RHOBTB1: variants seen among roughly 807,000 people sequenced by gnomAD.
RHOBTB1 encodes Rho related BTB domain containing 1.
RHOBTB1 carries 40 observed loss-of-function variants against 71.6 expected under a neutral mutation model. The observed-to-expected ratio is 0.56, with a 90% CI of 0.43 to 0.73. The LOEUF (loss-of-function observed/expected upper bound fraction) is 0.73. Among genes scored for constraint, RHOBTB1 ranks in the 30% least tolerant of loss-of-function variants. The pLI, the probability that RHOBTB1 is intolerant of heterozygous loss-of-function variation, is 0.00. For missense variants in RHOBTB1, 797 were observed against 894.0 expected, an observed-to-expected ratio of 0.89 and a Z score of 1.38; for synonymous variants, 319 against 334.9, an observed-to-expected ratio of 0.95 and a Z score of 0.52.
At chr10:60,873,528 G>A (rs1340778445) in intron 9 of RHOBTB1, among the ~76,000 whole-genome samples, 1 of 152,132 alleles carries the variant, frequency 6.6e-6, no homozygotes, top group Non-Finnish European at 1.5e-5. Context: ...TGTGTATGGG[G>A]GTAAGGTGGG....
intron 2 of RHOBTB1, among the ~76,000 whole-genome samples, chr10:60,979,292 T>C (rs904389749): frequency 4.6e-5 from 7 of 152,196 alleles, no homozygotes; most frequent in African/African-American, 1.7e-4. Flanking sequence ...TTTACCATTT[T>C]GGTGATAACA....
chr10:60,976,369 A>G (rs973994017), intron 2 of RHOBTB1, among the ~76,000 whole-genome samples: 2 of 151,716 alleles, frequency 1.3e-5, no homozygotes, highest in Non-Finnish European at 2.9e-5. Flanking sequence ...AAGATCGCTG[A>G]AATCTCCATA....
chr10:60,879,248 G>A (rs996504693), intron 7 of RHOBTB1, among the ~76,000 whole-genome samples: 2 of 152,142 alleles, frequency 1.3e-5, no homozygotes, highest in East Asian at 1.9e-4. Flanking sequence ...AGGAAACAAA[G>A]GTTTGAGTTA....
At chr10:60,983,598 A>C (rs1221296568) in intron 2 of RHOBTB1, among the ~76,000 whole-genome samples, 1 of 152,202 alleles carries the variant, frequency 6.6e-6, no homozygotes, top group Non-Finnish European at 1.5e-5. Context: ...TTTTGAATCT[A>C]AATGTATTCA....
chr10:60,879,272 C>T (rs1449558171), intron 7 of RHOBTB1, among the ~76,000 whole-genome samples: 1 of 152,134 alleles, frequency 6.6e-6, no homozygotes, highest in East Asian at 1.9e-4. Context: ...AACAATAAAG[C>T]ATCATATTTT....
intron 2 of RHOBTB1, 70 bp downstream of exon 2, chr10:60,941,734 A>G (rs188409393): frequency 2.6e-5 from 4 of 152,658 alleles, no homozygotes; most frequent in East Asian, 3.9e-4. Flanking sequence ...ACCTGTTCTG[A>G]AATGCATGCT....
At chr10:60,903,121 T>G (rs1258914341) in intron 4 of RHOBTB1, among the ~76,000 whole-genome samples, 1 of 151,826 alleles carries the variant, frequency 6.6e-6, no homozygotes, top group Non-Finnish European at 1.5e-5. Context: ...GTGGGAAGAG[T>G]GCAGAGAGGA....
intron 9 of RHOBTB1, among the ~76,000 whole-genome samples, chr10:60,874,152 G>C (rs2080933188): frequency 6.6e-6 from 1 of 152,212 alleles, no homozygotes; most frequent in South Asian, 2.1e-4. Context: ...GAAAGAGGGA[G>C]CACAGGAAGC....
chr10:60,862,582 C>G, the RHOBTB1 span, among the ~76,000 whole-genome samples: 2 of 150,050 alleles, frequency 1.3e-5, no homozygotes, highest in African/African-American at 4.9e-5. Flanking sequence ...TTTCCTTTTT[C>G]TTTCTTTCCT....
intron 5 of RHOBTB1, among the ~76,000 whole-genome samples, chr10:60,889,546 T>A (rs967737212): frequency 2.0e-5 from 3 of 152,220 alleles, no homozygotes; most frequent in African/African-American, 7.2e-5. Context: ...TTTTATCCTA[T>A]TATTTTGCTA....
chr10:60,930,604 C>T (rs1363495693), intron 2 of RHOBTB1, among the ~76,000 whole-genome samples: 1 of 152,166 alleles, frequency 6.6e-6, no homozygotes, highest in African/African-American at 2.4e-5. Flanking sequence ...GAAAGAAACA[C>T]AAACTGATTC....
intron 2 of RHOBTB1, among the ~76,000 whole-genome samples, chr10:60,953,991 G>A (rs529492416): frequency 7.9e-5 from 12 of 152,214 alleles, no homozygotes; most frequent in East Asian, 5.8e-4. Flanking sequence ...TCTATTCCAT[G>A]TTATTGTGGT....
chr10:60,910,163 A>T (rs953176976), intron 4 of RHOBTB1, among the ~76,000 whole-genome samples: 10 of 152,210 alleles, frequency 6.6e-5, no homozygotes, highest in Non-Finnish European at 8.8e-5. Context: ...AAAAGTCTCC[A>T]TTAATACAGA....
chr10:60,929,108 C>T (rs1469428669), intron 2 of RHOBTB1, among the ~76,000 whole-genome samples: 2 of 152,088 alleles, frequency 1.3e-5, no homozygotes, highest in African/African-American at 4.8e-5. Flanking sequence ...GGGAAGTTTG[C>T]CCCCATGATT....
At chr10:60,886,971 C>A (rs774853410) in intron 6 of RHOBTB1, among the ~76,000 whole-genome samples, 1 of 151,570 alleles carries the variant, frequency 6.6e-6, no homozygotes, top group South Asian at 2.1e-4. Context: ...AATAACCATA[C>A]TATGATTACA....
intron 2 of RHOBTB1, among the ~76,000 whole-genome samples, chr10:60,919,395 C>T (rs943440593): frequency 6.6e-6 from 1 of 152,104 alleles, no homozygotes; most frequent in African/African-American, 2.4e-5. Flanking sequence ...TTCGATTGTG[C>T]AGATTTCATT....
chr10:60,989,368 A>G (rs1325459796), intron 1 of RHOBTB1, among the ~76,000 whole-genome samples: 1 of 152,222 alleles, frequency 6.6e-6, no homozygotes, highest in Admixed American at 6.5e-5. Flanking sequence ...TTGCATAAGT[A>G]TATTTTATGG....
At chr10:60,942,072 T>C (rs574095339) in intron 1 of RHOBTB1, among the ~76,000 whole-genome samples, 26 of 152,130 alleles carry the variant, frequency 1.7e-4, no homozygotes, top group African/African-American at 6.3e-4. Context: ...TGTGAAAATA[T>C]ATTTTTGAGC....
intron 10 of RHOBTB1, 48 bp downstream of exon 10, chr10:60,872,137 A>G (rs1192426506): frequency 7.4e-7 from 1 of 1,357,118 alleles, no homozygotes; most frequent in Non-Finnish European, 1.1e-6. Context: ...AAAAGCTTCC[A>G]TGAGAGGTGA....
Sources: gnomAD v4.1 joint callset for allele counts (sites outside exome capture counted in the v4.1 genomes callset) on GRCh38, gnomAD v4.1.1 for gene constraint, MANE v1.5 for transcripts, NCBI Gene and HGNC (gene_info 2026-07-23, HGNC 2026-07-21) for gene names.